The following DRC11 variants were observed in gnomAD, a reference collection of about 807,000 sequenced individuals.
DRC11 encodes the protein IQ and AAA domain-containing protein 1.
the DRC11 span, among the ~76,000 whole-genome samples, chr2:236,460,258 G>A: frequency 6.6e-6 from 1 of 152,164 alleles, no homozygotes. The surrounding 1 kb of genome is among the most constrained non-coding windows in gnomAD (Gnocchi z 4.0). Flanking sequence ...ACTCCAAACT[G>A]TCAGGTCAAG....
the DRC11 span, among the ~76,000 whole-genome samples, chr2:236,502,811 C>T: frequency 3.1e-4 from 47 of 151,034 alleles, no homozygotes; most frequent in African/African-American, 1.0e-3. Context: ...AAAAATTAGC[C>T]GGGTGTGGTG....
At chr2:236,314,709 G>C in the DRC11 span, among the ~76,000 whole-genome samples, 1 of 151,922 alleles carries the variant, frequency 6.6e-6, no homozygotes, top group Non-Finnish European at 1.5e-5. This position sits in a 1 kb window ranked among gnomAD's most constrained non-coding sequence, Gnocchi z 4.5. Context: ...AATTTATAAC[G>C]GAAAATTATC....
chr2:236,416,740 TA>T, the DRC11 span, among the ~76,000 whole-genome samples: 5 of 54,312 alleles, frequency 9.2e-5, no homozygotes, highest in Non-Finnish European at 1.9e-4. Context: ...TATATATATA[TA>T]TATATATATA....
chr2:236,366,561 T>C, the DRC11 span, among the ~76,000 whole-genome samples: 9 of 152,026 alleles, frequency 5.9e-5, no homozygotes, highest in African/African-American at 1.7e-4. Context: ...GAGGACCTCA[T>C]AGCCCTTTTG....
the DRC11 span, among the ~76,000 whole-genome samples, chr2:236,457,003 C>A: frequency 6.6e-6 from 1 of 152,202 alleles, no homozygotes; most frequent in Admixed American, 6.5e-5. This position sits in a 1 kb window ranked among gnomAD's most constrained non-coding sequence, Gnocchi z 4.7. Flanking sequence ...GTGGGCCAGG[C>A]AGCCCACCTG....
chr2:236,319,786 G>A, the DRC11 span, among the ~76,000 whole-genome samples: 1 of 152,306 alleles, frequency 6.6e-6, no homozygotes, highest in African/African-American at 2.4e-5. This position sits in a 1 kb window ranked among gnomAD's most constrained non-coding sequence, Gnocchi z 6.7. Context: ...AAGAATCAGA[G>A]AGACCTGCCA....
chr2:236,357,671 A>AAT, the DRC11 span, among the ~76,000 whole-genome samples: 6 of 124,912 alleles, frequency 4.8e-5, no homozygotes, highest in African/African-American at 1.3e-4. Flanking sequence ...ATAATACATA[A>AAT]ATATATATTT....
At chr2:236,387,710 GTTAGCTGGTTAT>G in the DRC11 span, among the ~76,000 whole-genome samples, 2 of 151,358 alleles carry the variant, frequency 1.3e-5, no homozygotes, top group Non-Finnish European at 2.9e-5. Context: ...TCATTATGAC[GTTAGCTGGTTAT>G]TTTGCTCGTT....
chr2:236,338,971 G>C, the DRC11 span, among the ~76,000 whole-genome samples: 1 of 152,208 alleles, frequency 6.6e-6, no homozygotes, highest in Non-Finnish European at 1.5e-5. Flanking sequence ...ACGACTTCCA[G>C]CCCGTGGGAG....
At chr2:236,431,592 C>T in the DRC11 span, among the ~76,000 whole-genome samples, 1 of 152,190 alleles carries the variant, frequency 6.6e-6, no homozygotes, top group South Asian at 2.1e-4. This position sits in a 1 kb window ranked among gnomAD's most constrained non-coding sequence, Gnocchi z 4.2. Context: ...CATCACCAAG[C>T]AAGCACTAAT....
the DRC11 span, chr2:236,368,022 T>A: frequency 1.5e-6 from 1 of 649,446 alleles, no homozygotes; most frequent in African/African-American, 1.8e-5. Context: ...CTGGTAGTAC[T>A]TTGTGTGCTG....
chr2:236,477,059 G>A, the DRC11 span, among the ~76,000 whole-genome samples: 9 of 152,154 alleles, frequency 5.9e-5, no homozygotes, highest in Admixed American at 5.2e-4. Flanking sequence ...GATGTTGGCC[G>A]GTAGTTTTCT....
chr2:236,358,292 GAATA>G, the DRC11 span, among the ~76,000 whole-genome samples: 1 of 126,978 alleles, frequency 7.9e-6, no homozygotes, highest in Non-Finnish European at 1.6e-5. Context: ...TATACTATAT[GAATA>G]TATATAATAT....
At chr2:236,345,220 T>G in the DRC11 span, among the ~76,000 whole-genome samples, 11 of 152,228 alleles carry the variant, frequency 7.2e-5, no homozygotes, top group East Asian at 1.5e-3. Context: ...GCTCTCCCCG[T>G]GCGGCTCATC....
chr2:236,492,100 ACTC>A, the DRC11 span, among the ~76,000 whole-genome samples: 2 of 152,196 alleles, frequency 1.3e-5, no homozygotes, highest in East Asian at 1.9e-4. Context: ...ACCAGATGCA[ACTC>A]CTCAATACTG....
At chr2:236,435,026 G>A in the DRC11 span, among the ~76,000 whole-genome samples, 1 of 152,178 alleles carries the variant, frequency 6.6e-6, no homozygotes, top group African/African-American at 2.4e-5. Flanking sequence ...GTCCTCTAGA[G>A]GGCTGAGGCA....
chr2:236,404,787 G>T, the DRC11 span, among the ~76,000 whole-genome samples: 1 of 152,172 alleles, frequency 6.6e-6, no homozygotes, highest in Non-Finnish European at 1.5e-5. Flanking sequence ...ACCGGCTCAG[G>T]CTGCTATAAG....
chr2:236,452,850 A>T, the DRC11 span, among the ~76,000 whole-genome samples: 2 of 152,146 alleles, frequency 1.3e-5, no homozygotes, highest in African/African-American at 4.8e-5. The surrounding 1 kb of genome is among the most constrained non-coding windows in gnomAD (Gnocchi z 4.7). Flanking sequence ...TCCTTTTTTA[A>T]AAAAATTTTA....
the DRC11 span, chr2:236,377,101 A>C: frequency 1.9e-6 from 3 of 1,575,112 alleles, no homozygotes; most frequent in Non-Finnish European, 2.6e-6. This position sits in a 1 kb window ranked among gnomAD's most constrained non-coding sequence, Gnocchi z 4.9. Flanking sequence ...CTGTGTACTC[A>C]CCAATGTAAT....
Sources: gnomAD v4.1 joint callset for allele counts (sites outside exome capture counted in the v4.1 genomes callset) on GRCh38, gnomAD v4.1.1 for gene constraint, Gnocchi (gnomAD v3.1) non-coding constraint, MANE v1.5 for transcripts, NCBI Gene and HGNC (gene_info 2026-07-23, HGNC 2026-07-21) for gene names.